The following THSD7B variants were observed in gnomAD, a reference collection of about 807,000 sequenced individuals.
THSD7B encodes the protein thrombospondin type-1 domain-containing protein 7B.
In THSD7B, 138 loss-of-function variants were observed where a neutral mutation model predicts 213.6. That is an observed-to-expected ratio of 0.65 (90% confidence interval 0.56 to 0.74). The LOEUF is 0.74. THSD7B is among the 30% of genes least tolerant of loss of function. The probability of loss-of-function intolerance (pLI) is 0.00; values close to 1 mark genes in which losing one functional copy is unlikely to be tolerated. For missense variants in THSD7B, 1,931 were observed against 1,991.5 expected (o/e 0.97, Z 0.58); for synonymous variants, 742 against 687.0 (o/e 1.08, Z -1.25).
intron 13 of THSD7B, among the ~76,000 whole-genome samples, chr2:137,407,574 C>T (rs1219555295): frequency 6.6e-6 from 1 of 152,058 alleles, no homozygotes; most frequent in Non-Finnish European, 1.5e-5. Context: ...TTTGTTATCT[C>T]TAAGTAATTT....
intron 2 of THSD7B, among the ~76,000 whole-genome samples, chr2:136,934,096 G>C (rs1241095294): frequency 1.3e-5 from 2 of 152,130 alleles, no homozygotes; most frequent in East Asian, 3.8e-4. Flanking sequence ...CCACAAATTA[G>C]CATACAAAGT....
intron 2 of THSD7B, among the ~76,000 whole-genome samples, chr2:136,907,526 A>T (rs778615072): frequency 6.6e-6 from 1 of 152,228 alleles, no homozygotes; most frequent in African/African-American, 2.4e-5. Flanking sequence ...AACAGAAAAA[A>T]TTCAAAACAA....
At chr2:137,661,965 A>T (rs188705016) in intron 25 of THSD7B, among the ~76,000 whole-genome samples, 3 of 151,208 alleles carry the variant, frequency 2.0e-5, no homozygotes. Flanking sequence ...AAACTCCTCC[A>T]TTTTGCCTCT....
chr2:137,065,266 T>C (rs1217201010), intron 3 of THSD7B, among the ~76,000 whole-genome samples: 11 of 152,080 alleles, frequency 7.2e-5, no homozygotes, highest in Non-Finnish European at 1.3e-4. Context: ...TTATTTTATT[T>C]GTAGCAATTG....
At chr2:137,394,937 G>A (rs1257723544) in intron 12 of THSD7B, among the ~76,000 whole-genome samples, 63 of 146,608 alleles carry the variant, frequency 4.3e-4, no homozygotes, top group South Asian at 1.5e-3. Flanking sequence ...GTGAATGGCA[G>A]TTCACTCATG....
At chr2:136,811,925 C>T (rs1242640396) in intron 1 of THSD7B, among the ~76,000 whole-genome samples, 1 of 152,132 alleles carries the variant, frequency 6.6e-6, no homozygotes, top group Non-Finnish European at 1.5e-5. Flanking sequence ...CCTACCTGAT[C>T]TCAGTAGGTA....
At chr2:137,314,001 C>T (rs1385524802) in intron 12 of THSD7B, among the ~76,000 whole-genome samples, 10 of 152,064 alleles carry the variant, frequency 6.6e-5, no homozygotes, top group African/African-American at 9.7e-5. Context: ...TTGCTCTTCT[C>T]GAGGAGTATC....
intron 7 of THSD7B, among the ~76,000 whole-genome samples, chr2:137,192,918 G>A (rs1307872430): frequency 3.3e-5 from 5 of 152,174 alleles, no homozygotes; most frequent in Admixed American, 2.6e-4. Context: ...GTGTCTCTAA[G>A]TCTATTCTTG....
chr2:137,563,390 A>T lies in THSD7B; in HGVS notation c.3272+36A>T, dbSNP rs755222535. Reference sequence around the variant, plus strand: ...ATGGAGAGATTTGGGAAATAGGGGGAAGTGGAACTTATACATTTTTTATAA... The same window carrying T: ...ATGGAGAGATTTGGGAAATAGGGGGTAGTGGAACTTATACATTTTTTATAA... On this transcript the variant is annotated intron_variant, in intron 16 of 27. Coordinates refer to ENST00000409968, the MANE Select transcript of THSD7B (RefSeq NM_001316349.2). The T allele has an allele frequency of 2.5e-6, 4 of 1,608,112 alleles. No homozygotes were observed. In the South Asian group the frequency reaches 4.4e-5, roughly 18 times the overall value.
intron 15 of THSD7B, among the ~76,000 whole-genome samples, chr2:137,523,750 C>G (rs1680228907): frequency 1.3e-5 from 2 of 152,070 alleles, no homozygotes; most frequent in Admixed American, 1.3e-4. Flanking sequence ...GTTTCATGAC[C>G]TAGTTCTTGC....
At chr2:137,529,669 G>A (rs1176378491) in intron 15 of THSD7B, among the ~76,000 whole-genome samples, 1 of 151,254 alleles carries the variant, frequency 6.6e-6, no homozygotes, top group African/African-American at 2.4e-5. Flanking sequence ...TCAGAAAAAG[G>A]AAATTCAAAT....
chr2:136,766,741 T>C (rs1043495346), intron 1 of THSD7B, among the ~76,000 whole-genome samples: 1 of 152,172 alleles, frequency 6.6e-6, no homozygotes, highest in African/African-American at 2.4e-5. Flanking sequence ...GAAGTTCCAC[T>C]AAGATTATGG....
At chr2:137,483,088 A>T (rs1218754695) in intron 15 of THSD7B, among the ~76,000 whole-genome samples, 3 of 152,120 alleles carry the variant, frequency 2.0e-5, no homozygotes, top group African/African-American at 7.2e-5. Context: ...ATGCCTTGGG[A>T]CCTACAGCTC....
intron 2 of THSD7B, among the ~76,000 whole-genome samples, chr2:137,042,543 A>G (rs1686902563): frequency 6.6e-6 from 1 of 152,196 alleles, no homozygotes. Flanking sequence ...AGTTTTGTTT[A>G]ACCCTGTATC....
chr2:137,424,554 T>G (rs1372845829), intron 14 of THSD7B, among the ~76,000 whole-genome samples: 1 of 152,164 alleles, frequency 6.6e-6, no homozygotes, highest in Non-Finnish European at 1.5e-5. Flanking sequence ...GATTTATTCC[T>G]GGGATGCAAA....
intron 2 of THSD7B, among the ~76,000 whole-genome samples, chr2:137,018,751 A>G (rs1020763070): frequency 1.3e-5 from 2 of 152,336 alleles, no homozygotes; most frequent in African/African-American, 2.4e-5. Context: ...TAATCTAATC[A>G]TTAATATTTA....
intron 2 of THSD7B, among the ~76,000 whole-genome samples, chr2:136,959,952 G>A (rs1165106524): frequency 6.6e-6 from 1 of 152,094 alleles, no homozygotes; most frequent in East Asian, 1.9e-4. Context: ...ATCAGAATCC[G>A]CACCTGGATT....
intron 4 of THSD7B, 105 bp from the exon 5 acceptor site, chr2:137,115,019 C>T: frequency 8.5e-6 from 11 of 1,300,108 alleles, no homozygotes; most frequent in Non-Finnish European, 1.2e-5. Context: ...AGATTTGGCC[C>T]TAGAAAGAGA....
chr2:137,026,401 A>G (rs1349423828), intron 2 of THSD7B, among the ~76,000 whole-genome samples: 2 of 152,172 alleles, frequency 1.3e-5, no homozygotes, highest in Non-Finnish European at 2.9e-5. Context: ...TTTGGGAAGT[A>G]TCTCTGCTTT....
Sources: gnomAD v4.1 joint callset for allele counts (sites outside exome capture counted in the v4.1 genomes callset) on GRCh38, gnomAD v4.1.1 for gene constraint, MANE v1.5 for transcripts, NCBI Gene and HGNC (gene_info 2026-07-23, HGNC 2026-07-21) for gene names.